CHD7: variants seen among roughly 807,000 people sequenced by gnomAD.
CHD7 encodes the protein ATP-dependent chromatin remodeler CHD7.
A neutral mutation model predicts 307.3 loss-of-function variants in CHD7; 24 were observed. That is an observed-to-expected ratio of 0.08 (90% CI 0.06 to 0.11). The LOEUF (loss-of-function observed/expected upper bound fraction) is 0.11, where lower values mean the gene tolerates loss of function less well. Among genes scored for constraint, CHD7 ranks in the 10% least tolerant of loss-of-function variants. CHD7 has a pLI of 1.00. For missense variants in CHD7, 3,106 were observed against 3,727.1 expected (o/e 0.83, Z 4.34); for synonymous variants, 1,363 against 1,349.9 (o/e 1.01, Z -0.21).
chr8:60,816,063 T>A (rs1193145155), intron 7 of CHD7, among the ~76,000 whole-genome samples: 1 of 152,068 alleles, frequency 6.6e-6, no homozygotes, highest in Non-Finnish European at 1.5e-5. Context: ...AATAGCTTGT[T>A]ATTAGGCCAT....
chr8:60,850,358 G>T, intron 25 of CHD7, 135 bp from the exon 26 acceptor site: 3 of 1,087,624 alleles, frequency 2.8e-6, no homozygotes, highest in South Asian at 1.9e-5. Context: ...CTAAAACAAG[G>T]TCCACTTGGA....
chr8:60,830,662 G>C, intron 15 of CHD7, 85 bp downstream of exon 15: 1 of 1,468,038 alleles, frequency 6.8e-7, no homozygotes, highest in Non-Finnish European at 9.3e-7. Flanking sequence ...GGGATTTCAT[G>C]GTGTATAGTC....
chr8:60,799,480 C>CA (rs1477210411), intron 4 of CHD7, among the ~76,000 whole-genome samples: 1 of 152,174 alleles, frequency 6.6e-6, no homozygotes, highest in Non-Finnish European at 1.5e-5. Context: ...TGTCCATAGT[C>CA]ATTCATTATG....
At chr8:60,831,243 C>T (rs974912303) in intron 15 of CHD7, among the ~76,000 whole-genome samples, 19 of 152,014 alleles carry the variant, frequency 1.2e-4, no homozygotes, top group African/African-American at 3.9e-4. Flanking sequence ...AGGGAGCATT[C>T]GCCACAAGCA....
At chr8:60,851,215 A>G (rs1189824496) in intron 27 of CHD7, 47 bp from the exon 28 acceptor site, 18 of 1,526,430 alleles carry the variant, frequency 1.2e-5, no homozygotes, top group Non-Finnish European at 1.6e-5. Flanking sequence ...ACAAAGAAAA[A>G]TGAGACCCCA....
intron 28 of CHD7, 58 bp from the exon 29 acceptor site, chr8:60,851,961 T>C (rs1318722206): frequency 1.7e-6 from 2 of 1,194,510 alleles, no homozygotes; most frequent in Non-Finnish European, 2.4e-6. Flanking sequence ...TTTGTTGGAA[T>C]ACTCTGTATT....
In CHD7 at chr8:60,849,292, T is replaced by C. The variant is rs1805350426; in HGVS notation, c.5404+138T>C. The C allele has an allele frequency of 3.0e-5, 16 of 530,390 alleles. No individual in the cohort carries two copies. The East Asian group carries it at 4.8e-4, about 16-fold the overall frequency. 32.9% of individuals were successfully genotyped at this position (530,390 alleles called of 1,614,324 possible). A position where few individuals can be genotyped will look rare whatever the true frequency, so the allele number is the denominator to read the frequency against. On this transcript the variant is annotated intron_variant, in intron 25 of 37. Coordinates refer to ENST00000423902, the MANE Select transcript of CHD7 (RefSeq NM_017780.4). ...ACTCTTGGCGTCTACCATTTTTCTGTACTAAAAATCTAATATGAACTGTAA... is the reference window on the plus strand; with the variant it reads ...ACTCTTGGCGTCTACCATTTTTCTGCACTAAAAATCTAATATGAACTGTAA...
At chr8:60,824,242 G>T in intron 13 of CHD7, 1 of 460,318 alleles carries the variant, frequency 2.2e-6, no homozygotes, top group Non-Finnish European at 3.8e-6. Context: ...GTGTAATCAT[G>T]ATAGTTTCAC....
chr8:60,864,894 A>T, intron 37 of CHD7, 122 bp from the exon 38 acceptor site: 1 of 920,460 alleles, frequency 1.1e-6, no homozygotes, highest in Non-Finnish European at 1.6e-6. Flanking sequence ...TTGAGCTGTT[A>T]GGAGGGAAGA....
chr8:60,738,807 A>G (rs1401256896), intron 1 of CHD7, among the ~76,000 whole-genome samples: 1 of 152,070 alleles, frequency 6.6e-6, no homozygotes, highest in Non-Finnish European at 1.5e-5. Context: ...GCATGGTTGT[A>G]GTTGTGCCGA....
chr8:60,738,820 G>T (rs1668971874), intron 1 of CHD7, among the ~76,000 whole-genome samples: 1 of 152,094 alleles, frequency 6.6e-6, no homozygotes, highest in Non-Finnish European at 1.5e-5. Flanking sequence ...TGTGCCGAGC[G>T]ACATGCTTAG....
chr8:60,792,155 G>A (rs1028187940), intron 3 of CHD7, among the ~76,000 whole-genome samples: 5 of 152,096 alleles, frequency 3.3e-5, no homozygotes, highest in South Asian at 2.1e-4. Context: ...ATGACAGTTC[G>A]AACTGGAACT....
chr8:60,781,485 G>T, intron 3 of CHD7, 55 bp downstream of exon 3: 1 of 1,475,198 alleles, frequency 6.8e-7, no homozygotes, highest in Non-Finnish European at 9.0e-7. Flanking sequence ...AGAAATTAGC[G>T]CCAAATAGTT....
At chr8:60,703,635 A>G (rs796096046) in intron 1 of CHD7, among the ~76,000 whole-genome samples, 1 of 152,226 alleles carries the variant, frequency 6.6e-6, no homozygotes, top group South Asian at 2.1e-4. Context: ...TGTGAGTACA[A>G]GCTGATCCAT....
chr8:60,810,397 G>T (rs1812743084), intron 7 of CHD7, among the ~76,000 whole-genome samples: 1 of 151,842 alleles, frequency 6.6e-6, no homozygotes, highest in African/African-American at 2.4e-5. Flanking sequence ...GTGTGTGTGT[G>T]TGTGTGTGTG....
intron 2 of CHD7, among the ~76,000 whole-genome samples, chr8:60,756,177 A>G (rs1809881622): frequency 6.6e-6 from 1 of 152,256 alleles, no homozygotes; most frequent in Non-Finnish European, 1.5e-5. Flanking sequence ...GTAGAGCACA[A>G]TTAAAAATAG....
At chr8:60,836,703 T>G (rs1804757300) in intron 16 of CHD7, 114 bp from the exon 17 acceptor site, 2 of 711,238 alleles carry the variant, frequency 2.8e-6, no homozygotes, top group African/African-American at 1.8e-5. Flanking sequence ...TTCTGTTAAG[T>G]CATATTAGTC....
intron 3 of CHD7, among the ~76,000 whole-genome samples, chr8:60,788,214 C>G (rs1277284354): frequency 6.6e-6 from 1 of 151,358 alleles, no homozygotes; most frequent in African/African-American, 2.4e-5. Flanking sequence ...GCCTCAGCCT[C>G]CTGGGCTCAA....
intron 33 of CHD7, 35 bp from the exon 34 acceptor site, chr8:60,856,410 C>A: frequency 1.3e-6 from 2 of 1,561,322 alleles, no homozygotes; most frequent in Non-Finnish European, 1.7e-6. Context: ...TGTTTTGGCT[C>A]ACTGCAACTC....
Sources: gnomAD v4.1 joint callset for allele counts (sites outside exome capture counted in the v4.1 genomes callset) on GRCh38, gnomAD v4.1.1 for gene constraint, MANE v1.5 for transcripts, NCBI Gene and HGNC (gene_info 2026-07-23, HGNC 2026-07-21) for gene names.